Variants in VPS13D observed in about 807,000 individuals in gnomAD.
VPS13D encodes vacuolar protein sorting 13 homolog D.
VPS13D carries 187 observed loss-of-function variants against 461.9 expected under a neutral mutation model. The observed-to-expected ratio is 0.40, with a 90% CI of 0.36 to 0.46. The LOEUF is 0.46. Among genes scored for constraint, VPS13D ranks in the 20% least tolerant of loss-of-function variants. VPS13D has a pLI of 0.60. For synonymous variants in VPS13D, 1,951 were observed against 1,986.3 expected, an observed-to-expected ratio of 0.98 and a Z score of 0.47; for missense variants, 4,711 against 5,364.9, an observed-to-expected ratio of 0.88 and a Z score of 3.81.
At position 12,505,255 on chromosome 1, in the gene VPS13D, C is replaced by G. The variant is rs1301765521; in HGVS notation, c.12795-1598C>G. 6.6e-6 allele frequency among the ~76,000 whole-genome samples: 1 copy of G among 152,210 alleles called. No homozygotes were observed. The highest frequency in any genetic ancestry group is 1.5e-5 in the Non-Finnish European group (1 of 68,038). On this transcript the variant is annotated intron_variant, in intron 68 of 69. Transcript: ENST00000620676. The surrounding 1 kb of genome is among the most constrained non-coding windows in gnomAD (Gnocchi z 4.2). The stretch of plus-strand genomic sequence containing the variant: ...CTCTCTGTCTGTCTTTCTGTCTTTC[C>G]CTGTGCCCTCCTTTCTTCCCCGGAC...
Position 12,277,949 on chromosome 1 carries a change from G to T in VPS13D, c.4361G>T (p.Cys1454Phe), listed in dbSNP as rs2101364140. Residue 1454 changes from cysteine (C) to phenylalanine (F), a missense_variant, in exon 19 of 70, where the codon TGC (cysteine) becomes TTC (phenylalanine). Coordinates refer to ENST00000620676, the MANE Select transcript of VPS13D (RefSeq NM_015378.4). ...AVGSEGSRMF[C>F]PPSGSGSANS... is the part of the protein sequence containing the mutation. ...GGGTCTGAAGGAAGCCGGATGTTTT[G>T]CCCACCTTCCGGGTCTGGCAGTGCC... The T allele has an allele frequency of 6.2e-7, 1 of 1,614,166 alleles. No homozygotes were observed. The highest frequency in any genetic ancestry group is 1.1e-5 in the South Asian group (1 of 91,078).
chr1:12,385,367 A>G lies in VPS13D; in HGVS notation c.11478A>G (p.Glu3826=), dbSNP rs1301194165. The G allele has an allele frequency of 6.2e-7, 1 of 1,610,960 alleles. No homozygotes were observed. Among genetic ancestry groups the G allele is most frequent in the Non-Finnish European group, 8.5e-7 (1 of 1,178,592 alleles). Residue 3826 remains glutamate (E), a synonymous_variant, in exon 59 of 70, where the codon GAA becomes GAG. Transcript: ENST00000620676. ...QKLKNPDTEQ[E]LEVLVRLEGG... ...TAAAGAATCCAGATACAGAGCAGGA[A>G]TTGGAAGTAAGGTCTAAATATTGTG... is the stretch of plus-strand genomic sequence containing the variant.
rs2101634210 is a variant in VPS13D, at chr1:12,373,836, A to G, written c.10895A>G (p.Gln3632Arg). The stretch of plus-strand genomic sequence containing the variant: ...GTTTTGGATGTCTCACCCAAGACAC[A>G]AAGAGTCATTTTAAAAAAGAAGGTA... ...ELVLDVSPKTQRVILKKKEPG... is the reference protein window; with the variant it reads ...ELVLDVSPKTRRVILKKKEPG... The change falls in exon 55 of 70, where the codon CAA becomes CGA. Residue 3632 changes from glutamine to arginine, a missense_variant. This residue lies in a region of VPS13D where 4,411 missense variants were observed against 4,937.8 expected (regional missense o/e 0.89). Transcript: ENST00000620676. The G allele has an allele frequency of 6.2e-7, 1 of 1,607,804 alleles. No homozygotes were observed. The highest frequency in any genetic ancestry group is 2.3e-5 in the East Asian group (1 of 44,034).
chr1:12,291,016 AG>A lies in VPS13D; in HGVS notation c.5747del (p.Gly1916AlafsTer8), dbSNP rs1642117822. The stretch of plus-strand genomic sequence containing the variant: ...TCCCTAGAGGGAGACCTGGCCTTAC[AG>A]GGCAGCATTGGGAGTCTGTCTCTAA... ...LEMIEGDLAL[Q>X]GSIGSLSLSD... On this transcript the variant is annotated frameshift_variant, in exon 23 of 70. Coordinates refer to ENST00000620676, the MANE Select transcript of VPS13D (RefSeq NM_015378.4). LOFTEE classifies it high-confidence loss of function. The A allele has an allele frequency of 6.2e-7, 1 of 1,612,236 alleles. No homozygotes were observed. Among genetic ancestry groups the A allele is most frequent in the Non-Finnish European group, 8.5e-7 (1 of 1,179,440 alleles).
At chr1:12,321,017 G>T (rs1294463982) in intron 32 of VPS13D, among the ~76,000 whole-genome samples, 3 of 152,122 alleles carry the variant, frequency 2.0e-5, no homozygotes, top group Non-Finnish European at 4.4e-5. Context: ...GGGTGAAGAG[G>T]GTAAGAAGGA....
At position 12,356,377 on chromosome 1, in the gene VPS13D, A is replaced by G. The variant is rs367612818; in HGVS notation, c.9872-21A>G. The G allele has an allele frequency of 5.6e-6, 9 of 1,606,934 alleles. No homozygotes were observed. In the African/African-American group the frequency reaches 1.2e-4, roughly 21 times the overall value. ...GATAGACTGGGTGGTATTGATGTAA[A>G]CTTTTCTCTCCTTCCTAAAGGGTTG... On this transcript the variant is annotated intron_variant, in intron 48 of 69. Coordinates refer to ENST00000620676, the MANE Select transcript of VPS13D (RefSeq NM_015378.4).
chr1:12,350,509 G>C (rs745565848), intron 46 of VPS13D, among the ~76,000 whole-genome samples: 4 of 151,988 alleles, frequency 2.6e-5, no homozygotes, highest in African/African-American at 7.2e-5. Flanking sequence ...TTAAATATGG[G>C]GGATGCAGCA....
At chr1:12,425,707 G>A (rs1196015648) in intron 65 of VPS13D, among the ~76,000 whole-genome samples, 1 of 151,552 alleles carries the variant, frequency 6.6e-6, no homozygotes, top group Non-Finnish European at 1.5e-5. Context: ...AAGGAAGGGA[G>A]GAAGAGAGGG....
chr1:12,508,862 G>T, intron 69 of VPS13D, 31 bp from the exon 70 acceptor site: 1 of 1,607,392 alleles, frequency 6.2e-7, no homozygotes, highest in Non-Finnish European at 8.5e-7. Context: ...CCATCCTGGG[G>T]ACAGGTGACC....
intron 67 of VPS13D, among the ~76,000 whole-genome samples, chr1:12,493,987 T>G (rs149666876): frequency 1.3e-5 from 2 of 152,218 alleles, no homozygotes; most frequent in East Asian, 3.9e-4. Context: ...TTTCTGCTTC[T>G]AGGAAGAGTA....
intron 54 of VPS13D, among the ~76,000 whole-genome samples, chr1:12,371,424 CTT>C (rs1163320303): frequency 1.4e-5 from 2 of 141,710 alleles, no homozygotes; most frequent in Non-Finnish European, 3.0e-5. Context: ...GAGTTTTGCT[CTT>C]GTTTCCCAGG....
chr1:12,384,112 A>T (rs988760411), intron 58 of VPS13D, among the ~76,000 whole-genome samples: 2 of 152,178 alleles, frequency 1.3e-5, no homozygotes, highest in Non-Finnish European at 2.9e-5. Flanking sequence ...AAGACTGGAG[A>T]TAGTGAAATA....
intron 67 of VPS13D, among the ~76,000 whole-genome samples, chr1:12,494,355 A>G (rs1645927227): frequency 6.6e-6 from 1 of 152,012 alleles, no homozygotes; most frequent in African/African-American, 2.4e-5. Context: ...ATGTATTGGG[A>G]GTGGGGGTGA....
Position 12,285,291 on chromosome 1 carries a change from TA to T in VPS13D, c.5634+1556del, listed in dbSNP as rs1404748185. 2.7e-3 allele frequency among the ~76,000 whole-genome samples: 406 copies of T among 149,102 alleles called. 2 individuals are homozygous for T. The highest frequency in any genetic ancestry group is 8.3e-3 in the African/African-American group (337 of 40,442). On this transcript the variant is annotated intron_variant, in intron 21 of 69. Transcript: ENST00000620676. ...GTATTTATTTATTTATTTATTTATT[TA>T]TTTATTTTTTTTTTTTGAGACGGAG...
chr1:12,249,208 T>C lies in VPS13D; in HGVS notation c.448-15T>C. The stretch of plus-strand genomic sequence containing the variant: ...TGCAGGTGCATCAGCTGCTTTTTCT[T>C]TTTTCTCTTTGCAGTTAAAAATTCA... On this transcript the variant is annotated splice_polypyrimidine_tract_variant and intron_variant, in intron 5 of 69. Coordinates refer to ENST00000620676, the MANE Select transcript of VPS13D (RefSeq NM_015378.4). 1.2e-6 allele frequency: 2 copies of C among 1,600,236 alleles called. No homozygotes were observed. Among genetic ancestry groups the C allele is most frequent in the East Asian group, 2.2e-5 (1 of 44,788 alleles).
Position 12,369,570 on chromosome 1 carries a change from C to A in VPS13D, c.10676C>A (p.Pro3559Gln). Residue 3559 changes from proline (P) to glutamine (Q), a missense_variant, in exon 54 of 70, where the codon CCA becomes CAA. By Grantham distance (76) the Pro-to-Gln change is moderately conservative. Coordinates refer to ENST00000620676, the MANE Select transcript of VPS13D (RefSeq NM_015378.4). ...TATGCCTGGGACGAACCCACCTTGC[C>A]ACCTTTTATCACTCTGACTGTTAAA... ...LDYAWDEPTL[P>Q]PFITLTVKGA... The A allele has an allele frequency of 6.2e-7, 1 of 1,614,174 alleles. No individual in the cohort carries two copies.
rs1388370952 is a variant in VPS13D at position 12,460,433 on chromosome 1, A to G, written c.12662+37A>G. On this transcript the variant is annotated intron_variant, in intron 67 of 69. Transcript: ENST00000620676. ...GGGAAGAATGGCTTTTGCAGTTTCC[A>G]GCCTAGGTCTGCTGCTTCTCCTAAT... The G allele has an allele frequency of 2.0e-6, 3 of 1,511,974 alleles. No individual in the cohort carries two copies. In the Admixed American group the frequency reaches 6.5e-5, roughly 33 times the overall value. The allele number at this position is 1,511,974 out of a possible 1,614,324, so 93.7% of individuals were successfully genotyped here.
intron 66 of VPS13D, among the ~76,000 whole-genome samples, chr1:12,459,101 G>A (rs2100410040): frequency 6.6e-6 from 1 of 152,292 alleles, no homozygotes. Flanking sequence ...TTTGAAAATT[G>A]CAAATGTATA....
At position 12,279,450 on chromosome 1, in the gene VPS13D, A is replaced by T. The variant is rs2101370957; in HGVS notation, c.4451-49A>T. On this transcript the variant is annotated intron_variant, in intron 19 of 69. Coordinates refer to ENST00000620676, the MANE Select transcript of VPS13D (RefSeq NM_015378.4). This position sits in a 1 kb window ranked among gnomAD's most constrained non-coding sequence, Gnocchi z 4.3. Reference sequence around the variant, plus strand: ...ATTCTACGTTTAATCAGCAGTAATGAAGTAAATATTAAGGTTTATGGTCTA... The same window carrying T: ...ATTCTACGTTTAATCAGCAGTAATGTAGTAAATATTAAGGTTTATGGTCTA... 1.3e-6 allele frequency: 2 copies of T among 1,518,638 alleles called. No individual in the cohort carries two copies. The highest frequency in any genetic ancestry group is 4.6e-5 in the East Asian group (2 of 43,864). The allele number at this position is 1,518,638 out of a possible 1,614,324, so 94.1% of individuals were successfully genotyped here.
Sources: gnomAD v4.1 joint callset for allele counts (sites outside exome capture counted in the v4.1 genomes callset) on GRCh38, gnomAD v4.1.1 for gene constraint, gnomAD v4.1.1 regional missense constraint, Gnocchi (gnomAD v3.1) non-coding constraint, MANE v1.5 for transcripts, NCBI Gene and HGNC (gene_info 2026-07-23, HGNC 2026-07-21) for gene names.